The following ARHGAP39 variants were observed in gnomAD, a reference collection of about 807,000 sequenced individuals.
The protein encoded by ARHGAP39 is Rho GTPase activating protein 39.
A neutral mutation model predicts 106.9 loss-of-function variants in ARHGAP39; 44 were observed. That is an observed-to-expected ratio of 0.41 (90% CI 0.32 to 0.53). ARHGAP39 has a LOEUF of 0.53. Among genes scored for constraint, ARHGAP39 ranks in the 20% least tolerant of loss-of-function variants. The pLI is 0.21. For synonymous variants in ARHGAP39, 768 were observed against 693.2 expected (o/e 1.11, Z -1.69); for missense variants, 1,496 against 1,577.3 (o/e 0.95, Z 0.87).
chr8:144,551,370 A>T (rs1014624901), intron 4 of ARHGAP39, among the ~76,000 whole-genome samples: 1 of 152,106 alleles, frequency 6.6e-6, no homozygotes, highest in African/African-American at 2.4e-5. Flanking sequence ...AGGCCAGAGG[A>T]CCTGCCCACA....
intron 2 of ARHGAP39, among the ~76,000 whole-genome samples, chr8:144,596,674 C>T (rs1052653216): frequency 6.6e-6 from 1 of 152,206 alleles, no homozygotes; most frequent in Non-Finnish European, 1.5e-5. Context: ...CCAGGCGCTG[C>T]TCTTTACCAG....
chr8:144,627,851 T>C (rs953672335), intron 1 of ARHGAP39, among the ~76,000 whole-genome samples: 2 of 152,226 alleles, frequency 1.3e-5, no homozygotes, highest in Non-Finnish European at 2.9e-5. Context: ...CCTGGACCCC[T>C]TGCCCTCCCA....
At chr8:144,648,775 G>A (rs754373776) in intron 1 of ARHGAP39, among the ~76,000 whole-genome samples, 8 of 152,048 alleles carry the variant, frequency 5.3e-5, no homozygotes, top group Non-Finnish European at 1.0e-4. Context: ...ATGAAATTAC[G>A]GCAGAAATCA....
Position 144,545,303 on chromosome 8 carries a change from A to C in ARHGAP39, c.2467T>G (p.Ser823Ala), listed in dbSNP as rs1241978645. The change falls in exon 6 of 12, where the codon TCC becomes GCC. Residue 823 changes from serine (S) to alanine (A), a missense_variant. By Grantham distance (99) the Ser-to-Ala change is moderately conservative. Transcript: ENST00000377307. ...AFFPPTPKFH[S>A]YLEGYIYRHM... ...CGGTAGATGTAGCCTTCCAGGTAGGAGTGGAACTTGGGGGTGGGCGGGAAA... is the reference window on the plus strand; with the variant it reads ...CGGTAGATGTAGCCTTCCAGGTAGGCGTGGAACTTGGGGGTGGGCGGGAAA... The C allele has an allele frequency of 3.0e-5, 48 of 1,583,252 alleles. No individual in the cohort carries two copies. Among genetic ancestry groups the C allele is most frequent in the Non-Finnish European group, 3.9e-5 (45 of 1,160,284 alleles).
intron 1 of ARHGAP39, among the ~76,000 whole-genome samples, chr8:144,665,793 G>A (rs540658542): frequency 1.3e-5 from 2 of 152,346 alleles, no homozygotes; most frequent in Non-Finnish European, 2.9e-5. Context: ...TGCAGGGATG[G>A]AGCCCTCATG....
At chr8:144,556,182 G>A (rs1228002832) in intron 3 of ARHGAP39, among the ~76,000 whole-genome samples, 1 of 151,926 alleles carries the variant, frequency 6.6e-6, no homozygotes, top group Non-Finnish European at 1.5e-5. Flanking sequence ...CTACTTGGGA[G>A]GCTGAGGCAG....
chr8:144,536,516 G>A (rs1039630262), intron 7 of ARHGAP39, among the ~76,000 whole-genome samples: 5 of 152,214 alleles, frequency 3.3e-5, no homozygotes, highest in Non-Finnish European at 5.9e-5. Flanking sequence ...GCCACCGGAC[G>A]CCAGCTCAGG....
chr8:144,619,644 G>C (rs1200991101), intron 1 of ARHGAP39, among the ~76,000 whole-genome samples: 1 of 151,092 alleles, frequency 6.6e-6, no homozygotes, highest in Non-Finnish European at 1.5e-5. Context: ...AAGAGCGTGT[G>C]TCCGTGCATG....
chr8:144,600,054 C>T (rs1819789011), intron 2 of ARHGAP39, among the ~76,000 whole-genome samples: 1 of 152,176 alleles, frequency 6.6e-6, no homozygotes, highest in Non-Finnish European at 1.5e-5. Context: ...GGCATGCATG[C>T]ATGTTCATGT....
chr8:144,671,618 T>C lies in ARHGAP39; in HGVS notation c.-82+14068A>G, dbSNP rs1260319106. Reference sequence around the variant, plus strand: ...TGAGGCTCTTTCTGTGCCTGGTGAATAGCCCAAGGCTCAGCTGCTGATACT... The same window carrying C: ...TGAGGCTCTTTCTGTGCCTGGTGAACAGCCCAAGGCTCAGCTGCTGATACT... On this transcript the variant is annotated intron_variant, in intron 1 of 11. Coordinates refer to ENST00000377307, the MANE Select transcript of ARHGAP39 (RefSeq NM_025251.3). The surrounding 1 kb of genome is among the most constrained non-coding windows in gnomAD (Gnocchi z 4.5). Among the ~76,000 whole-genome samples the C allele has an allele frequency of 1.3e-5, 2 of 152,334 alleles. No homozygotes were observed. Among genetic ancestry groups the C allele is most frequent in the East Asian group, 3.9e-4 (2 of 5,184 alleles).
At chr8:144,640,385 T>C (rs1037200897) in intron 1 of ARHGAP39, among the ~76,000 whole-genome samples, 30 of 152,176 alleles carry the variant, frequency 2.0e-4, no homozygotes, top group African/African-American at 6.3e-4. Context: ...GTTTTCGTGA[T>C]AGTGAATGAG....
intron 1 of ARHGAP39, among the ~76,000 whole-genome samples, chr8:144,609,894 A>G (rs1391077040): frequency 6.6e-6 from 1 of 152,226 alleles, no homozygotes; most frequent in Non-Finnish European, 1.5e-5. Flanking sequence ...TTTATATAGA[A>G]TTGCTATTAT....
chr8:144,688,891 A>C (rs1250913020), upstream of ARHGAP39, among the ~76,000 whole-genome samples: 1 of 152,222 alleles, frequency 6.6e-6, no homozygotes, highest in Non-Finnish European at 1.5e-5. Flanking sequence ...TATTTTAAAA[A>C]TTGCACAAAA....
intron 2 of ARHGAP39, among the ~76,000 whole-genome samples, chr8:144,588,052 G>A (rs1354396334): frequency 1.3e-5 from 2 of 152,354 alleles, no homozygotes; most frequent in East Asian, 1.9e-4. Flanking sequence ...ACCAGCAAGG[G>A]TGATGGTCCC....
chr8:144,579,528 T>C (rs1818890809), intron 3 of ARHGAP39, among the ~76,000 whole-genome samples: 1 of 152,046 alleles, frequency 6.6e-6, no homozygotes. Context: ...CTCCAGTGGC[T>C]CCTCCACACC....
chr8:144,550,624 C>CCCTCTCAGCACGGCCACA (rs2130850433), intron 4 of ARHGAP39, among the ~76,000 whole-genome samples: 1 of 152,368 alleles, frequency 6.6e-6, no homozygotes, highest in African/African-American at 2.4e-5. Flanking sequence ...GGGCTGTGGG[C>CCCTCTCAGCACGGCCACA]CCTCTCAGCA....
Position 144,552,206 on chromosome 8 carries a change from C to A in ARHGAP39, c.596+3354G>T, listed in dbSNP as rs141948818. Among the ~76,000 whole-genome samples, 303 of 152,308 alleles carry A rather than the reference C, an allele frequency of 2.0e-3. 1 individual carries two copies. Among genetic ancestry groups the A allele is most frequent in the African/African-American group, 7.0e-3 (289 of 41,564 alleles). Reference sequence around the variant, plus strand: ...GCAGATTTGGTGACAGAGGATGGGACGACAATAAGGGCCCTGAGGGCTGCT... The same window carrying A: ...GCAGATTTGGTGACAGAGGATGGGAAGACAATAAGGGCCCTGAGGGCTGCT... On this transcript the variant is annotated intron_variant, in intron 4 of 11. Coordinates refer to ENST00000377307, the MANE Select transcript of ARHGAP39 (RefSeq NM_025251.3).
chr8:144,561,528 CCCAGTGGTTTCCATCACACT>C (rs1818157439), intron 3 of ARHGAP39, among the ~76,000 whole-genome samples: 1 of 146,286 alleles, frequency 6.8e-6, no homozygotes, highest in African/African-American at 2.6e-5. Context: ...TCCATCAGAC[CCCAGTGGTTTCCATCACACT>C]CCAGTGGTTT....
chr8:144,687,052 CCG>C, upstream of ARHGAP39, among the ~76,000 whole-genome samples: 1 of 134,858 alleles, frequency 7.4e-6, no homozygotes, highest in African/African-American at 3.1e-5. Flanking sequence ...CTTCCCACCC[CCG>C]TGACCACGCA....
Sources: allele counts gnomAD v4.1 joint callset (sites outside exome capture counted in the v4.1 genomes callset), GRCh38; gene constraint gnomAD v4.1.1; non-coding constraint Gnocchi (gnomAD v3.1); transcripts MANE v1.5; gene names NCBI Gene and HGNC (gene_info 2026-07-23, HGNC 2026-07-21).